The following MTUS1 variants were observed in gnomAD, a reference collection of about 807,000 sequenced individuals.
The protein encoded by MTUS1 is microtubule-associated tumor suppressor 1.
In MTUS1, 109 loss-of-function variants were observed where a neutral mutation model predicts 120.8. The ratio of observed to expected loss-of-function variants is 0.90; its 90% CI spans 0.77 to 1.06. The LOEUF is 1.06. Among genes scored for constraint, MTUS1 ranks in the 50% least tolerant of loss-of-function variants. MTUS1 has a pLI of 0.00. For missense variants in MTUS1, 2,210 were observed against 1,486.3 expected, an observed-to-expected ratio of 1.49 and a Z score of -8.01; for synonymous variants, 737 against 550.5, an observed-to-expected ratio of 1.34 and a Z score of -4.74.
At chr8:17,734,203 C>G (rs1399347940) in intron 3 of MTUS1, 1 of 152,180 alleles carries the variant, frequency 6.6e-6, no homozygotes. Context: ...CATGACTTAC[C>G]TAGCATACAC....
At chr8:17,713,372 G>T in intron 5 of MTUS1, 120 bp from the exon 6 acceptor site, 1 of 660,138 alleles carries the variant, frequency 1.5e-6, no homozygotes, top group South Asian at 2.1e-5. Flanking sequence ...CAGGTTCCCG[G>T]TGGGAAATAT....
chr8:17,670,427 G>C (rs546751422), intron 8 of MTUS1, among the ~76,000 whole-genome samples: 3 of 152,156 alleles, frequency 2.0e-5, no homozygotes, highest in African/African-American at 7.2e-5. Context: ...GAACGTATGG[G>C]ACAGCCACTT....
At chr8:17,752,560 T>G (rs1374274516) in intron 2 of MTUS1, among the ~76,000 whole-genome samples, 1 of 152,186 alleles carries the variant, frequency 6.6e-6, no homozygotes, top group South Asian at 2.1e-4. Context: ...TAAACTGATG[T>G]TTTAGAGAAT....
chr8:17,656,221 A>G (rs79217816), intron 8 of MTUS1, among the ~76,000 whole-genome samples, 156 bp from the exon 9 acceptor site: 244 of 152,306 alleles, frequency 1.6e-3, no homozygotes, highest in African/African-American at 5.7e-3. Flanking sequence ...ACAGTATGGA[A>G]GTGAACTGTA....
intron 3 of MTUS1, among the ~76,000 whole-genome samples, chr8:17,741,734 T>A (rs994052090): frequency 1.3e-5 from 2 of 152,216 alleles, no homozygotes; most frequent in Non-Finnish European, 2.9e-5. Flanking sequence ...TTAGATTTTC[T>A]GGGATTCAAG....
chr8:17,707,029 T>C (rs1223733562), intron 6 of MTUS1, among the ~76,000 whole-genome samples: 1 of 152,188 alleles, frequency 6.6e-6, no homozygotes, highest in Non-Finnish European at 1.5e-5. Context: ...CCACCACTAC[T>C]TACAGCTTTA....
chr8:17,673,263 T>C (rs1307859080), intron 8 of MTUS1, among the ~76,000 whole-genome samples: 1 of 152,136 alleles, frequency 6.6e-6, no homozygotes, highest in Non-Finnish European at 1.5e-5. Context: ...CCTTGAACTG[T>C]TTCACCAGAA....
chr8:17,689,936 C>T (rs1162807933), intron 6 of MTUS1, among the ~76,000 whole-genome samples: 3 of 150,878 alleles, frequency 2.0e-5, no homozygotes, highest in Non-Finnish European at 3.0e-5. Context: ...GGGGAGGGAA[C>T]TAGAAAAAAC....
chr8:17,647,348 G>T, intron 13 of MTUS1: 1 of 317,854 alleles, frequency 3.1e-6, no homozygotes, highest in Non-Finnish European at 5.7e-6. Flanking sequence ...TGTTGTTTTG[G>T]AATTCTCTAA....
chr8:17,730,767 A>G (rs919070997), intron 3 of MTUS1, among the ~76,000 whole-genome samples: 1 of 152,250 alleles, frequency 6.6e-6, no homozygotes, highest in African/African-American at 2.4e-5. Flanking sequence ...TTACTAGAAT[A>G]GTCAAATGCA....
chr8:17,649,744 T>G (rs1411907714), intron 13 of MTUS1, 102 bp downstream of exon 13: 1 of 696,786 alleles, frequency 1.4e-6, no homozygotes, highest in African/African-American at 1.8e-5. Flanking sequence ...CTAAATATCT[T>G]TAGGAGCAGT....
chr8:17,769,422 A>G (rs10089809), intron 1 of MTUS1, among the ~76,000 whole-genome samples: 143,447 of 147,532 alleles, frequency 0.97, 69,886 homozygotes, highest in East Asian at 1. Context: ...ATCTCGGCTC[A>G]CTGCAAGCTC....
At chr8:17,779,939 C>T (rs398329) in intron 1 of MTUS1, among the ~76,000 whole-genome samples, 44,971 of 152,116 alleles carry the variant, frequency 0.3, 9,085 homozygotes, top group African/African-American at 0.56. Flanking sequence ...GACATCTCCA[C>T]TTACATGTTT....
intron 13 of MTUS1, chr8:17,647,347 G>T (rs775865776): frequency 3.8e-4 from 124 of 322,092 alleles, no homozygotes; most frequent in Non-Finnish European, 6.4e-4. Context: ...ATGTTGTTTT[G>T]GAATTCTCTA....
At position 17,721,965 on chromosome 8, in the gene MTUS1, A is replaced by G. The variant is rs2045879239; in HGVS notation, c.2449+1707T>C. ...AGCCATGTTCACTCTCATATCCCTC[A>G]TGCTTGCTCTTAGTGAATTCGAATG... On this transcript the variant is annotated intron_variant, in intron 4 of 14. Coordinates refer to ENST00000693296, the MANE Select transcript of MTUS1 (RefSeq NM_001363059.2). 4 of 1,496,524 alleles carry G rather than the reference A, an allele frequency of 2.7e-6. No homozygotes were observed. In the East Asian group the frequency reaches 9.4e-5, roughly 35 times the overall value. 92.7% of individuals were successfully genotyped at this position (1,496,524 alleles called of 1,614,324 possible). A position where few individuals can be genotyped will look rare whatever the true frequency, so the allele number is the denominator to read the frequency against.
chr8:17,793,692 A>C (rs78200353), intron 1 of MTUS1, among the ~76,000 whole-genome samples: 1 of 152,172 alleles, frequency 6.6e-6, no homozygotes, highest in Non-Finnish European at 1.5e-5. Flanking sequence ...GCCAAAGAGT[A>C]CAGTGCTAAG....
chr8:17,787,779 A>G (rs2051427312), intron 1 of MTUS1, among the ~76,000 whole-genome samples: 3 of 152,228 alleles, frequency 2.0e-5, no homozygotes, highest in African/African-American at 7.2e-5. Flanking sequence ...CCTTATTATC[A>G]TCCTCACTTT....
chr8:17,775,929 C>T (rs2050392792), intron 1 of MTUS1, among the ~76,000 whole-genome samples: 2 of 152,170 alleles, frequency 1.3e-5, no homozygotes, highest in African/African-American at 2.4e-5. Context: ...CCTACTGGGC[C>T]GCCAAGCCAT....
At chr8:17,758,983 G>A (rs899590923) in intron 1 of MTUS1, among the ~76,000 whole-genome samples, 1 of 152,194 alleles carries the variant, frequency 6.6e-6, no homozygotes, top group Non-Finnish European at 1.5e-5. Context: ...CCGGGTTCAA[G>A]CGATTACCCT....
Sources: gnomAD v4.1 joint callset for allele counts (sites outside exome capture counted in the v4.1 genomes callset) on GRCh38, gnomAD v4.1.1 for gene constraint, MANE v1.5 for transcripts, NCBI Gene and HGNC (gene_info 2026-07-23, HGNC 2026-07-21) for gene names.